The following CDA variants were observed in gnomAD, a reference collection of about 807,000 sequenced individuals.
CDA encodes cytidine deaminase, also known as cytidine aminohydrolase.
CDA carries 7 observed loss-of-function variants against 15.0 expected under a neutral mutation model. That is an observed-to-expected ratio of 0.47 (90% CI 0.26 to 0.87). The LOEUF is 0.87. Ranked by LOEUF, CDA falls within the 40% of genes least tolerant of loss-of-function variation. CDA has a pLI of 0.15. For missense variants in CDA, 159 were observed against 182.7 expected (o/e 0.87, Z 0.75); for synonymous variants, 58 against 73.0 (o/e 0.79, Z 1.05).
At chr1:20,610,167 C>T (rs12135846) in intron 2 of CDA, among the ~76,000 whole-genome samples, 33,135 of 151,798 alleles carry the variant, frequency 0.22, 3,841 homozygotes, top group African/African-American at 0.23. Context: ...AATGACAGTG[C>T]CCAGCACTGC....
At chr1:20,611,799 T>A (rs566413597) in intron 2 of CDA, among the ~76,000 whole-genome samples, 2 of 152,334 alleles carry the variant, frequency 1.3e-5, no homozygotes, top group African/African-American at 4.8e-5. Context: ...AGGAGCCCAT[T>A]TTTCTCTCTG....
In CDA at chr1:20,617,700, T is replaced by TA. The variant is rs1378582854; in HGVS notation, c.325-752_325-751insA. On this transcript the variant is annotated intron_variant, in intron 3 of 3. Transcript: ENST00000375071. ...ACCTCCTTTTTTATTTTATTTTATT[T>TA]TTTTTTTTTTTTGAGACCGAGTCTC... 3.6e-3 allele frequency among the ~76,000 whole-genome samples: 246 copies of TA among 67,436 alleles called. 2 individuals carry two copies. The highest frequency in any genetic ancestry group is 0.014 in the African/African-American group (223 of 15,602). The allele number at this position is 67,436 out of a possible 152,430, so 44.2% of individuals were successfully genotyped here.
chr1:20,598,694 T>C (rs112175942), intron 1 of CDA, among the ~76,000 whole-genome samples: 2,093 of 152,324 alleles, frequency 0.014, 48 homozygotes, highest in African/African-American at 0.047. Context: ...CTTCTTATAA[T>C]AGCACTAATC....
At chr1:20,590,866 G>A (rs988970149) in intron 1 of CDA, among the ~76,000 whole-genome samples, 31 of 152,178 alleles carry the variant, frequency 2.0e-4, no homozygotes, top group African/African-American at 2.4e-5. Context: ...GGTGATGGGG[G>A]CTCAGCATGT....
chr1:20,604,946 C>T lies in CDA; in HGVS notation c.173C>T (p.Ala58Val), dbSNP rs1032026158. 2 of 1,612,476 alleles carry T rather than the reference C, an allele frequency of 1.2e-6. No individual in the cohort carries two copies. Among genetic ancestry groups the T allele is most frequent in the Non-Finnish European group, 1.7e-6 (2 of 1,178,968 alleles). Reference protein sequence around the residue: ...RIFKGCNIENACYPLGICAER... With the variant: ...RIFKGCNIENVCYPLGICAER... ...TTCTCAGGGTGCAACATAGAAAATG[C>T]CTGCTACCCGCTGGGCATCTGTGCT... Residue 58 changes from alanine (A) to valine (V), a missense_variant, in exon 2 of 4, where the codon GCC becomes GTC. Ala to Val is a moderately conservative substitution (Grantham distance 64, BLOSUM62 0). Transcript: ENST00000375071.
intron 1 of CDA, among the ~76,000 whole-genome samples, chr1:20,598,496 G>A (rs995969230): frequency 1.3e-5 from 2 of 152,176 alleles, no homozygotes; most frequent in Non-Finnish European, 2.9e-5. Flanking sequence ...AGCACAAAAC[G>A]GACTAAAACA....
rs181749961 is a variant in CDA, at chr1:20,604,414, C to T, written c.155-514C>T. ...TCTGGTTTTATAAGTGCATGACTCC[C>T]ATTCCTAGGCTTGGTCCCCTTCATT... On this transcript the variant is annotated intron_variant, in intron 1 of 3. Coordinates refer to ENST00000375071, the MANE Select transcript of CDA (RefSeq NM_001785.3). Among the ~76,000 whole-genome samples, 322 of 152,298 alleles carry T rather than the reference C, an allele frequency of 2.1e-3. 2 individuals are homozygous for T. The highest frequency in any genetic ancestry group is 7.3e-3 in the African/African-American group (305 of 41,570).
chr1:20,598,069 C>T (rs1203488457), intron 1 of CDA, among the ~76,000 whole-genome samples: 1 of 152,004 alleles, frequency 6.6e-6, no homozygotes, highest in Non-Finnish European at 1.5e-5. Flanking sequence ...AAGGTTTGCC[C>T]CCTCCAAAAT....
chr1:20,599,133 G>A (rs1012625043), intron 1 of CDA, among the ~76,000 whole-genome samples: 5 of 152,160 alleles, frequency 3.3e-5, no homozygotes, highest in Non-Finnish European at 7.3e-5. Flanking sequence ...TGAATAGTGC[G>A]CAAAAGGGAA....
chr1:20,597,494 G>T (rs1359486394), intron 1 of CDA, among the ~76,000 whole-genome samples: 1 of 152,172 alleles, frequency 6.6e-6, no homozygotes, highest in Admixed American at 6.5e-5. Flanking sequence ...GCATGTTTTG[G>T]CCTCCTGCCA....
chr1:20,589,393 T>G, intron 1 of CDA, 110 bp downstream of exon 1: 3 of 1,051,914 alleles, frequency 2.9e-6, no homozygotes, highest in East Asian at 2.6e-5. Context: ...AGCGCGGCTC[T>G]GTCCCTTCTT....
chr1:20,618,449 C>T lies in CDA; in HGVS notation c.325-3C>T, dbSNP rs1369127562. 6.3e-7 allele frequency: 1 copy of T among 1,594,290 alleles called. No individual in the cohort carries two copies. The highest frequency in any genetic ancestry group is 8.6e-7 in the Non-Finnish European group (1 of 1,163,202). The stretch of plus-strand genomic sequence containing the variant: ...TCTCACGCCAGCTTTGCCTCTTTTC[C>T]AGTTTGGCACCAACTGGCCCGTGTA... On this transcript the variant is annotated splice_polypyrimidine_tract_variant and splice_region_variant and intron_variant, in intron 3 of 3. Coordinates refer to ENST00000375071, the MANE Select transcript of CDA (RefSeq NM_001785.3).
chr1:20,602,274 G>A (rs1401017887), intron 1 of CDA, among the ~76,000 whole-genome samples: 1 of 152,122 alleles, frequency 6.6e-6, no homozygotes, highest in Non-Finnish European at 1.5e-5. Context: ...GCGGGCTGGA[G>A]TCCACAGCAT....
intron 3 of CDA, among the ~76,000 whole-genome samples, chr1:20,617,915 C>T (rs903188328): frequency 6.6e-6 from 1 of 152,032 alleles, no homozygotes; most frequent in Non-Finnish European, 1.5e-5. Context: ...AGGCTCATCT[C>T]GAACTCCTGA....
intron 2 of CDA, among the ~76,000 whole-genome samples, chr1:20,609,227 A>G (rs2052723549): frequency 6.6e-6 from 1 of 152,168 alleles, no homozygotes. Flanking sequence ...GCTCATGCCT[A>G]TAATCCCAGC....
At chr1:20,615,144 G>A (rs1242035346) in intron 3 of CDA, among the ~76,000 whole-genome samples, 1 of 152,010 alleles carries the variant, frequency 6.6e-6, no homozygotes, top group African/African-American at 2.4e-5. Flanking sequence ...ACAGGCGTGA[G>A]CCACCGCGCC....
chr1:20,602,943 T>A (rs2052659855), intron 1 of CDA, among the ~76,000 whole-genome samples: 1 of 152,216 alleles, frequency 6.6e-6, no homozygotes. Flanking sequence ...TGCTGGCTAT[T>A]GTGGTGCCTG....
In CDA at chr1:20,589,749, C is replaced by T. The variant is rs746502089; in HGVS notation, c.154+466C>T. On this transcript the variant is annotated intron_variant, in intron 1 of 3. Transcript: ENST00000375071. ...ATGACTTGCCCAAGGTCACACGGGG[C>T]GCTGGTGGTGAAACCCTGGGCTGGA... Among the ~76,000 whole-genome samples, 3 of 152,146 alleles carry T rather than the reference C, an allele frequency of 2.0e-5. No homozygotes were observed. The East Asian group carries it at 5.8e-4, about 29-fold the overall frequency.
intron 2 of CDA, among the ~76,000 whole-genome samples, chr1:20,607,001 T>C (rs1356696235): frequency 6.6e-6 from 1 of 152,154 alleles, no homozygotes; most frequent in Admixed American, 6.6e-5. Context: ...AGAAGGAGGC[T>C]GCATGCCTGT....
Sources: allele counts gnomAD v4.1 joint callset (sites outside exome capture counted in the v4.1 genomes callset), GRCh38; gene constraint gnomAD v4.1.1; transcripts MANE v1.5; gene names NCBI Gene and HGNC (gene_info 2026-07-23, HGNC 2026-07-21).